PRKCQ: variants seen among roughly 807,000 people sequenced by gnomAD.
PRKCQ encodes protein kinase C theta type.
Under a neutral mutation model 91.2 loss-of-function variants are expected in PRKCQ, and 41 were observed. That is an observed-to-expected ratio of 0.45 (90% CI 0.35 to 0.58). The LOEUF is 0.58. PRKCQ is among the 20% of genes least tolerant of loss of function. PRKCQ has a pLI of 0.00. For synonymous variants in PRKCQ, 307 were observed against 316.9 expected (o/e 0.97, Z 0.33); for missense variants, 673 against 896.5 (o/e 0.75, Z 3.18).
intron 16 of PRKCQ, among the ~76,000 whole-genome samples, chr10:6,437,072 C>G (rs1416382124): frequency 6.6e-6 from 1 of 152,190 alleles, no homozygotes; most frequent in African/African-American, 2.4e-5. Flanking sequence ...TCTGGAGGTG[C>G]TCTCACGCCT....
chr10:6,489,489 G>A (rs779232329), intron 8 of PRKCQ: 6 of 527,642 alleles, frequency 1.1e-5, no homozygotes, highest in Admixed American at 7.9e-5. Context: ...GAGAAGGCAG[G>A]GTAAAAGGCT....
chr10:6,426,612 G>C (rs1354428115), downstream of PRKCQ, among the ~76,000 whole-genome samples: 1 of 152,156 alleles, frequency 6.6e-6, no homozygotes, highest in East Asian at 1.9e-4. Context: ...TTTTAGGGGA[G>C]TGTCTATTTA....
the PRKCQ span, among the ~76,000 whole-genome samples, chr10:6,409,290 G>T: frequency 7.0e-4 from 107 of 152,140 alleles, no homozygotes; most frequent in East Asian, 2.9e-3. Flanking sequence ...TTCTGTTTTA[G>T]TTTATTTTAT....
chr10:6,449,369 G>A (rs1834519155), intron 15 of PRKCQ, among the ~76,000 whole-genome samples: 1 of 152,052 alleles, frequency 6.6e-6, no homozygotes, highest in East Asian at 1.9e-4. Context: ...GAAGTGAGAA[G>A]GGAAGTTTAG....
At chr10:6,471,157 G>A (rs1192363775) in intron 12 of PRKCQ, among the ~76,000 whole-genome samples, 2 of 151,900 alleles carry the variant, frequency 1.3e-5, no homozygotes, top group African/African-American at 2.4e-5. Flanking sequence ...TTTCTCTTCC[G>A]CTCCCCCCTG....
intron 1 of PRKCQ, among the ~76,000 whole-genome samples, chr10:6,567,319 C>T (rs888991627): frequency 1.3e-5 from 2 of 152,236 alleles, no homozygotes; most frequent in African/African-American, 4.8e-5. Context: ...GAGAAGAGGC[C>T]TCCATGAACA....
intron 16 of PRKCQ, among the ~76,000 whole-genome samples, chr10:6,438,952 C>T (rs933494193): frequency 3.3e-5 from 5 of 152,254 alleles, no homozygotes; most frequent in Non-Finnish European, 7.3e-5. Flanking sequence ...CAAATATTTG[C>T]TGGGACAGCT....
At chr10:6,565,158 G>A (rs534744114) in intron 1 of PRKCQ, among the ~76,000 whole-genome samples, 13 of 152,316 alleles carry the variant, frequency 8.5e-5, no homozygotes, top group Admixed American at 1.3e-4. Flanking sequence ...TTTATAATGC[G>A]CCTTCTTAGC....
the PRKCQ span, among the ~76,000 whole-genome samples, chr10:6,402,496 C>A: frequency 6.6e-6 from 1 of 152,130 alleles, no homozygotes; most frequent in East Asian, 1.9e-4. Flanking sequence ...CCTGACTCCG[C>A]ATCTCCCTGC....
intron 1 of PRKCQ, among the ~76,000 whole-genome samples, chr10:6,543,567 C>T (rs113498640): frequency 6.6e-6 from 1 of 152,316 alleles, no homozygotes; most frequent in South Asian, 2.1e-4. Context: ...ATTAGAGAGA[C>T]GCTAACCACT....
In PRKCQ at chr10:6,464,357, C is replaced by T; in HGVS notation, c.1401G>A (p.Met467Ile). 1.2e-6 allele frequency: 2 copies of T among 1,613,874 alleles called. No homozygotes were observed. Among genetic ancestry groups the T allele is most frequent in the Non-Finnish European group, 8.5e-7 (1 of 1,179,944 alleles). ...VMEYLNGGDLMYHIQSCHKFD... is the reference protein window; with the variant it reads ...VMEYLNGGDLIYHIQSCHKFD... ...ACTTGTGGCAGCTTTGGATGTGGTA[C>T]ATTAAGTCCCCTCCGTTGAGGTACT... The change falls in exon 13 of 18, where the codon ATG (methionine) becomes ATA (isoleucine). Residue 467 changes from methionine (M) to isoleucine (I), a missense_variant. By Grantham distance (10) the Met-to-Ile change is conservative. Coordinates refer to ENST00000263125, the MANE Select transcript of PRKCQ (RefSeq NM_006257.5).
At chr10:6,515,247 C>T in intron 1 of PRKCQ, 103 bp from the exon 2 acceptor site, 1 of 1,571,780 alleles carries the variant, frequency 6.4e-7, no homozygotes, top group Non-Finnish European at 8.6e-7. Flanking sequence ...ACAGCCAGAA[C>T]CTCACATAGG....
At chr10:6,442,391 C>CA in intron 15 of PRKCQ, among the ~76,000 whole-genome samples, 1 of 152,160 alleles carries the variant, frequency 6.6e-6, no homozygotes, top group Non-Finnish European at 1.5e-5. Flanking sequence ...ACTTAGGTGG[C>CA]AGATATTGGA....
intron 12 of PRKCQ, among the ~76,000 whole-genome samples, chr10:6,470,175 A>C (rs1423405921): frequency 6.6e-6 from 1 of 152,068 alleles, no homozygotes; most frequent in East Asian, 1.9e-4. Context: ...ACTCTTCACC[A>C]CATTAAATAT....
the PRKCQ span, among the ~76,000 whole-genome samples, chr10:6,398,665 G>A: frequency 6.6e-6 from 1 of 152,328 alleles, no homozygotes; most frequent in African/African-American, 2.4e-5. Context: ...GGGAGAGAGA[G>A]AGAAAGGAGA....
At chr10:6,454,927 T>C (rs1834928193) in intron 15 of PRKCQ, among the ~76,000 whole-genome samples, 1 of 152,164 alleles carries the variant, frequency 6.6e-6, no homozygotes, top group African/African-American at 2.4e-5. Context: ...AGCCGGATTC[T>C]GCAAGAAGCA....
At chr10:6,549,418 G>T (rs142242656) in intron 1 of PRKCQ, among the ~76,000 whole-genome samples, 93 of 152,266 alleles carry the variant, frequency 6.1e-4, no homozygotes, top group African/African-American at 1.8e-3. Context: ...ACTCACTTGG[G>T]AAATTCAGAA....
the PRKCQ span, among the ~76,000 whole-genome samples, chr10:6,407,191 A>G: frequency 6.6e-6 from 1 of 152,134 alleles, no homozygotes; most frequent in East Asian, 1.9e-4. This position sits in a 1 kb window ranked among gnomAD's most constrained non-coding sequence, Gnocchi z 4.0. Flanking sequence ...TGAGACAGAG[A>G]AGATGCAATC....
chr10:6,473,858 G>C (rs1836126904), intron 12 of PRKCQ, among the ~76,000 whole-genome samples: 1 of 152,076 alleles, frequency 6.6e-6, no homozygotes, highest in Non-Finnish European at 1.5e-5. Flanking sequence ...AGTTCAAGGA[G>C]TTTTTCTTTT....
Sources: gnomAD v4.1 joint callset for allele counts (sites outside exome capture counted in the v4.1 genomes callset) on GRCh38, gnomAD v4.1.1 for gene constraint, Gnocchi (gnomAD v3.1) non-coding constraint, MANE v1.5 for transcripts, NCBI Gene and HGNC (gene_info 2026-07-23, HGNC 2026-07-21) for gene names.